The following SKAP2 variants were observed in gnomAD, a reference collection of about 807,000 sequenced individuals.
SKAP2 encodes the protein src kinase associated phosphoprotein 2.
In SKAP2, 28 loss-of-function variants were observed where a neutral mutation model predicts 54.9. That is an observed-to-expected ratio of 0.51 (90% CI 0.38 to 0.70). SKAP2 has a LOEUF of 0.70. Among genes scored for constraint, SKAP2 ranks in the 30% least tolerant of loss-of-function variants. SKAP2 has a pLI of 0.00. For synonymous variants in SKAP2, 137 were observed against 134.3 expected (o/e 1.02, Z -0.14); for missense variants, 356 against 424.1 (o/e 0.84, Z 1.41).
At chr7:26,806,211 T>C (rs1160374433) in intron 4 of SKAP2, among the ~76,000 whole-genome samples, 2 of 152,206 alleles carry the variant, frequency 1.3e-5, no homozygotes, top group Non-Finnish European at 2.9e-5. Context: ...GGCCAATTAA[T>C]AACCCTACAA....
At chr7:26,712,742 G>A (rs563515311) in intron 9 of SKAP2, among the ~76,000 whole-genome samples, 1 of 152,240 alleles carries the variant, frequency 6.6e-6, no homozygotes, top group East Asian at 1.9e-4. Flanking sequence ...ACCATTATTA[G>A]TATAATTATC....
chr7:26,840,804 T>C (rs1784803605), intron 4 of SKAP2, among the ~76,000 whole-genome samples: 1 of 152,096 alleles, frequency 6.6e-6, no homozygotes, highest in African/African-American at 2.4e-5. Context: ...ACAGCAGTCA[T>C]GCAATCATTT....
At chr7:26,692,879 C>G (rs1436316652) in intron 9 of SKAP2, among the ~76,000 whole-genome samples, 5 of 152,090 alleles carry the variant, frequency 3.3e-5, no homozygotes, top group Non-Finnish European at 7.4e-5. Flanking sequence ...GAAAGCTTTC[C>G]TTACTTTTCA....
chr7:26,861,278 T>C (rs545248562), intron 1 of SKAP2, among the ~76,000 whole-genome samples: 2 of 152,112 alleles, frequency 1.3e-5, no homozygotes, highest in African/African-American at 2.4e-5. Flanking sequence ...CTGCTAGTCC[T>C]AGTCAAAATA....
intron 4 of SKAP2, among the ~76,000 whole-genome samples, chr7:26,822,573 C>T (rs1375492417): frequency 6.6e-6 from 1 of 152,006 alleles, no homozygotes; most frequent in Non-Finnish European, 1.5e-5. Flanking sequence ...TGAAATTAAG[C>T]CAATTAATAA....
intron 9 of SKAP2, among the ~76,000 whole-genome samples, chr7:26,708,769 C>A (rs2127949097): frequency 6.6e-6 from 1 of 152,224 alleles, no homozygotes; most frequent in African/African-American, 2.4e-5. Flanking sequence ...CATTTCTTAT[C>A]ATTTGTTATA....
intron 4 of SKAP2, among the ~76,000 whole-genome samples, chr7:26,749,330 G>A (rs1032255447): frequency 3.3e-5 from 5 of 152,036 alleles, no homozygotes; most frequent in African/African-American, 7.2e-5. Context: ...TATATTATGC[G>A]CCAGGCTCTT....
intron 4 of SKAP2, among the ~76,000 whole-genome samples, chr7:26,830,365 C>G (rs1025271729): frequency 2.0e-5 from 3 of 151,996 alleles, no homozygotes; most frequent in African/African-American, 7.3e-5. Flanking sequence ...ATATTAAAAA[C>G]CACCTGAATT....
At chr7:26,855,649 T>C (rs1230569541) in intron 1 of SKAP2, among the ~76,000 whole-genome samples, 1 of 152,110 alleles carries the variant, frequency 6.6e-6, no homozygotes, top group East Asian at 1.9e-4. Flanking sequence ...CATTCCCTCA[T>C]AGCCTCTTTT....
At chr7:26,685,180 CAT>C (rs1453281764) in intron 10 of SKAP2, among the ~76,000 whole-genome samples, 2 of 152,132 alleles carry the variant, frequency 1.3e-5, no homozygotes, top group Non-Finnish European at 2.9e-5. Context: ...CCACTTGCAA[CAT>C]GTTTTGAAGA....
intron 4 of SKAP2, among the ~76,000 whole-genome samples, chr7:26,774,267 T>G (rs982754732): frequency 6.6e-6 from 1 of 152,014 alleles, no homozygotes; most frequent in African/African-American, 2.4e-5. Flanking sequence ...GAGCCAAGAC[T>G]GTGCCATTGC....
chr7:26,669,042 C>G lies in SKAP2; in HGVS notation c.*624G>C, dbSNP rs2128083036. 1 of 152,296 alleles carries G rather than the reference C, an allele frequency of 6.6e-6. No homozygotes were observed. The allele number at this position is 152,296 out of a possible 1,614,324, so 9.4% of individuals were successfully genotyped here. On this transcript the variant is annotated 3_prime_UTR_variant, in exon 13 of 13. Coordinates refer to ENST00000345317, the MANE Select transcript of SKAP2 (RefSeq NM_003930.5). ...TGAGTCATACTTCTGGTACGCACTT[C>G]TGTTGCAGGTGACAGCACACTGCCA...
At chr7:26,831,122 G>C (rs1176283444) in intron 4 of SKAP2, among the ~76,000 whole-genome samples, 1 of 152,072 alleles carries the variant, frequency 6.6e-6, no homozygotes, top group African/African-American at 2.4e-5. Context: ...TCATTCAAAT[G>C]TTCTTAAAAG....
Position 26,844,097 on chromosome 7 carries a change from A to G in SKAP2, c.240T>C (p.Ala80=). The G allele has an allele frequency of 6.2e-7, 1 of 1,612,604 alleles. No homozygotes were observed. The highest frequency in any genetic ancestry group is 1.3e-5 in the African/African-American group (1 of 74,950). ...CTAATGAAATAGTGTCTGGAGGCCC[A>G]GCAAAAGGGTCATCATATTCTTCCC... The part of the protein sequence containing the change: ...EDGEEYDDPF[A]GPPDTISLAS... The change falls in exon 4 of 13, where the codon GCT becomes GCC. Residue 80 remains alanine (A), a synonymous_variant. Coordinates refer to ENST00000345317, the MANE Select transcript of SKAP2 (RefSeq NM_003930.5).
intron 1 of SKAP2, 97 bp downstream of exon 1, chr7:26,864,266 G>A: frequency 6.9e-7 from 1 of 1,443,784 alleles, no homozygotes; most frequent in South Asian, 1.2e-5. Context: ...GAAGCGCGGG[G>A]AGGGAGGATA....
chr7:26,702,613 T>A (rs1584340296), intron 9 of SKAP2, among the ~76,000 whole-genome samples: 2 of 152,286 alleles, frequency 1.3e-5, no homozygotes, highest in East Asian at 3.9e-4. Flanking sequence ...GTTCTGTGTG[T>A]CCCAGTCAGT....
chr7:26,837,810 C>T (rs994885833), intron 4 of SKAP2, among the ~76,000 whole-genome samples: 7 of 139,294 alleles, frequency 5.0e-5, no homozygotes, highest in African/African-American at 1.7e-4. Context: ...AGTACAATAT[C>T]CACCTCTCTA....
chr7:26,737,913 G>T (rs935772558), intron 6 of SKAP2, among the ~76,000 whole-genome samples: 1 of 152,126 alleles, frequency 6.6e-6, no homozygotes, highest in Non-Finnish European at 1.5e-5. Context: ...GACAATAGTG[G>T]TTGAGAACAT....
intron 4 of SKAP2, among the ~76,000 whole-genome samples, chr7:26,740,984 C>A (rs2015543): frequency 0.73 from 111,199 of 152,004 alleles, 41,729 homozygotes; most frequent in African/African-American, 0.9. Context: ...GAGAAAAAAA[C>A]GAAAACAGAA....
Sources: allele counts gnomAD v4.1 joint callset (sites outside exome capture counted in the v4.1 genomes callset), GRCh38; gene constraint gnomAD v4.1.1; transcripts MANE v1.5; gene names NCBI Gene and HGNC (gene_info 2026-07-23, HGNC 2026-07-21).